Variants in MKNK2 observed in about 807,000 individuals in gnomAD.
MKNK2 encodes MAP kinase-interacting serine/threonine-protein kinase 2.
Under a neutral mutation model 55.0 loss-of-function variants are expected in MKNK2, and 54 were observed. That is an observed-to-expected ratio of 0.98 (90% confidence interval 0.79 to 1.23). The LOEUF (loss-of-function observed/expected upper bound fraction) is 1.23, where lower values mean the gene tolerates loss of function less well. Ranked by LOEUF, MKNK2 falls within the 50% of genes most tolerant of loss-of-function variation. MKNK2 has a pLI of 0.00. For synonymous variants in MKNK2, 323 were observed against 256.0 expected (o/e 1.26, Z -2.50); for missense variants, 685 against 632.1 (o/e 1.08, Z -0.90).
chr19:2,042,540 G>A lies in MKNK2; in HGVS notation c.655-18C>T. On this transcript the variant is annotated intron_variant, in intron 9 of 13. Transcript: ENST00000250896. The stretch of plus-strand genomic sequence containing the variant: ...GGGGAGACCTGGGAGGGGCCAAAAG[G>A]TCCGTGAGCCTGGGGTCCCACGCGG... 6.3e-7 allele frequency: 1 copy of A among 1,586,488 alleles called. No individual in the cohort carries two copies. The highest frequency in any genetic ancestry group is 8.6e-7 in the Non-Finnish European group (1 of 1,167,542).
Position 2,051,128 on chromosome 19 carries a change from G to A in MKNK2, c.-129C>T, listed in dbSNP as rs1249708260. Reference sequence around the variant, plus strand: ...GGGCTTGGGCCGGGGCCGCAGTGCCGCCGCCGCCCCACGTCGCGCAGCCCG... The same window carrying A: ...GGGCTTGGGCCGGGGCCGCAGTGCCACCGCCGCCCCACGTCGCGCAGCCCG... On this transcript the variant is annotated 5_prime_UTR_variant, in exon 1 of 14. Transcript: ENST00000250896. The A allele has an allele frequency of 3.7e-5, 7 of 187,314 alleles. No individual in the cohort carries two copies. In the East Asian group the frequency reaches 6.6e-4, roughly 18 times the overall value. 11.6% of individuals were successfully genotyped at this position (187,314 alleles called of 1,614,324 possible). A position where few individuals can be genotyped will look rare whatever the true frequency, so the allele number is the denominator to read the frequency against.
In MKNK2 at chr19:2,040,191, G is replaced by T; in HGVS notation, c.1111-14C>A. 2.6e-6 allele frequency: 4 copies of T among 1,568,544 alleles called. No homozygotes were observed. In the South Asian group the frequency reaches 3.5e-5, roughly 14 times the overall value. On this transcript the variant is annotated splice_polypyrimidine_tract_variant and intron_variant, in intron 12 of 13. Transcript: ENST00000250896. ...CTCCGGGGCGCACTGCAACGAGAGT[G>T]GGCGGGGGCAGGGCTGGAGAGCAGC...
intron 2 of MKNK2, 103 bp downstream of exon 2, chr19:2,050,698 C>A: frequency 1.7e-6 from 2 of 1,145,344 alleles, no homozygotes; most frequent in Admixed American, 4.5e-5. Flanking sequence ...GGGGGCCAGG[C>A]ACGAGCCCCG....
At chr19:2,039,907 A>AC (rs2016839212) in intron 13 of MKNK2, 51 bp from the exon 14 acceptor site, 1 of 1,549,270 alleles carries the variant, frequency 6.5e-7, no homozygotes. Context: ...CCCTCAGGGG[A>AC]CCCCTGGGGT....
chr19:2,042,744 T>G (rs1289547853), intron 8 of MKNK2, 22 bp downstream of exon 8: 9 of 1,554,692 alleles, frequency 5.8e-6, no homozygotes, highest in African/African-American at 1.4e-5. Context: ...CCTAGGAGAC[T>G]CCGGGCGGGG....
At chr19:2,040,652 G>A (rs970904609) in intron 12 of MKNK2, 12 of 291,248 alleles carry the variant, frequency 4.1e-5, no homozygotes, top group African/African-American at 1.5e-4. Flanking sequence ...AGAAACACCC[G>A]ACTCCTCCTC....
At chr19:2,040,012 G>T in intron 13 of MKNK2, 122 bp downstream of exon 13, 1 of 1,387,908 alleles carries the variant, frequency 7.2e-7, no homozygotes, top group South Asian at 1.2e-5. Flanking sequence ...GAGCTTCACT[G>T]AGTCACCAGG....
chr19:2,049,376 G>T (rs948821800), intron 2 of MKNK2, among the ~76,000 whole-genome samples: 2 of 152,198 alleles, frequency 1.3e-5, no homozygotes, highest in East Asian at 1.9e-4. Context: ...TGGGGGCTGT[G>T]GGGGGAGATT....
intron 1 of MKNK2, 41 bp downstream of exon 1, chr19:2,051,055 C>T (rs1010316179): frequency 1.4e-5 from 5 of 345,384 alleles, no homozygotes; most frequent in Non-Finnish European, 2.6e-5. Flanking sequence ...TTCCCGCTAC[C>T]GGGTCGGTGT....
rs371236830 is a variant in MKNK2 at position 2,041,019 on chromosome 19, G to A, written c.1110+21C>T. 156 of 1,612,536 alleles carry A rather than the reference G, an allele frequency of 9.7e-5. 2 individuals carry two copies. Among genetic ancestry groups the A allele is most frequent in the South Asian group, 5.5e-4 (50 of 91,040 alleles). On this transcript the variant is annotated intron_variant, in intron 12 of 13. Transcript: ENST00000250896. ...GCAGCGCCCCCATACCCCTCCTGCC[G>A]CCCGTGCGGCTGGTACTCACCCCCT...
Position 2,039,499 on chromosome 19 carries a change from G to A in MKNK2, c.*114C>T. On this transcript the variant is annotated 3_prime_UTR_variant, in exon 14 of 14. Transcript: ENST00000250896. ...CCCCCCTCAGCTGAGCTTAGTGCCT[G>A]GGAATCCAGGCAGAGGAGGGGCAGC... 2.1e-6 allele frequency: 3 copies of A among 1,447,356 alleles called. No individual in the cohort carries two copies. The highest frequency in any genetic ancestry group is 2.5e-5 in the East Asian group (1 of 40,446). The allele number at this position is 1,447,356 out of a possible 1,614,324, so 89.7% of individuals were successfully genotyped here. A position where few individuals can be genotyped will look rare whatever the true frequency, so the allele number is the denominator to read the frequency against.
intron 10 of MKNK2, 86 bp from the exon 11 acceptor site, chr19:2,042,120 A>G (rs1374428470): frequency 7.7e-7 from 1 of 1,300,612 alleles, no homozygotes; most frequent in Non-Finnish European, 1.0e-6. Context: ...CACCTGCGCC[A>G]GCCGGCTCGG....
chr19:2,040,915 G>A (rs2016864001), intron 12 of MKNK2, 125 bp downstream of exon 12: 2 of 944,718 alleles, frequency 2.1e-6, no homozygotes, highest in Non-Finnish European at 3.2e-6. Context: ...GGCAGAGCCT[G>A]TGCTCTCAAG....
rs959485894 is a variant in MKNK2, at chr19:2,039,477, C to G, written c.*136G>C. ...AGCAAAAACCTTCTATAAAACACCCCCCTCAGCTGAGCTTAGTGCCTGGGA... is the reference window on the plus strand; with the variant it reads ...AGCAAAAACCTTCTATAAAACACCCGCCTCAGCTGAGCTTAGTGCCTGGGA... On this transcript the variant is annotated 3_prime_UTR_variant, in exon 14 of 14. Coordinates refer to ENST00000250896, the MANE Select transcript of MKNK2 (RefSeq NM_199054.3). 11 of 1,415,870 alleles carry G rather than the reference C, an allele frequency of 7.8e-6. No individual in the cohort carries two copies. The highest frequency in any genetic ancestry group is 1.0e-5 in the Non-Finnish European group (11 of 1,085,458). 87.7% of individuals were successfully genotyped at this position (1,415,870 alleles called of 1,614,324 possible).
chr19:2,050,812 G>C lies in MKNK2; in HGVS notation c.40C>G (p.Arg14Gly). 2 of 1,537,850 alleles carry C rather than the reference G, an allele frequency of 1.3e-6. No homozygotes were observed. Among genetic ancestry groups the C allele is most frequent in the Non-Finnish European group, 1.8e-6 (2 of 1,141,982 alleles). The stretch of plus-strand genomic sequence containing the variant: ...ACCCCGGGCCTCACCTTGAACGAAC[G>C]GTGGAAACCCTGAAGTTCGGCTGGT... ...KKPAELQGFH[R>G]SFKGQNPFEL... The change falls in exon 2 of 14, where the codon CGT becomes GGT. Residue 14 changes from arginine to glycine, a missense_variant. Arg to Gly is a moderately radical substitution (Grantham distance 125). Transcript: ENST00000250896.
At chr19:2,042,166 C>T (rs1011030043) in intron 10 of MKNK2, 132 bp from the exon 11 acceptor site, 3 of 904,088 alleles carry the variant, frequency 3.3e-6, no homozygotes, top group Non-Finnish European at 4.7e-6. Flanking sequence ...TCAGCGGCTG[C>T]CGGGAACGCG....
chr19:2,042,682 A>C lies in MKNK2; in HGVS notation c.599-20T>G, dbSNP rs1216682326. 4 of 1,558,418 alleles carry C rather than the reference A, an allele frequency of 2.6e-6. No individual in the cohort carries two copies. Among genetic ancestry groups the C allele is most frequent in the Non-Finnish European group, 3.5e-6 (4 of 1,149,980 alleles). Reference sequence around the variant, plus strand: ...CGATGCCTGGGGGAGAAGCCACAGAACCACGACGGGGTGAGGGTCTGGAGG... The same window carrying C: ...CGATGCCTGGGGGAGAAGCCACAGACCCACGACGGGGTGAGGGTCTGGAGG... On this transcript the variant is annotated intron_variant, in intron 8 of 13. Coordinates refer to ENST00000250896, the MANE Select transcript of MKNK2 (RefSeq NM_199054.3).
rs539177407 is a variant in MKNK2 at position 2,041,993 on chromosome 19, G to A, written c.792C>T (p.Ala264=). The A allele has an allele frequency of 7.7e-6, 12 of 1,556,072 alleles. No homozygotes were observed. The highest frequency in any genetic ancestry group is 2.4e-5 in the East Asian group (1 of 41,108). The part of the protein sequence containing the change: ...AEYMAPEVVE[A]FSEEASIYDK... ...CGTAGATGCTAGCCTCCTCGCTGAA[G>A]GCCTCCACTACCTCCGGGGCCATGT... is the stretch of plus-strand genomic sequence containing the variant. The change falls in exon 11 of 14, where the codon GCC becomes GCT. Residue 264 remains alanine (A), a synonymous_variant. Transcript: ENST00000250896.
At chr19:2,050,712 G>A (rs1245588183) in intron 2 of MKNK2, 89 bp downstream of exon 2, 2 of 1,280,986 alleles carry the variant, frequency 1.6e-6, no homozygotes, top group East Asian at 2.8e-5. Flanking sequence ...AGCCCCGGGA[G>A]CCGATCTTAG....
Sources: allele counts gnomAD v4.1 joint callset (sites outside exome capture counted in the v4.1 genomes callset), GRCh38; gene constraint gnomAD v4.1.1; transcripts MANE v1.5; gene names NCBI Gene and HGNC (gene_info 2026-07-23, HGNC 2026-07-21).